RNGTT: variants seen among roughly 807,000 people sequenced by gnomAD.
RNGTT encodes the protein mRNA-capping enzyme.
A neutral mutation model predicts 79.3 loss-of-function variants in RNGTT; 33 were observed. The ratio of observed to expected loss-of-function variants is 0.42; its 90% CI spans 0.32 to 0.56. The LOEUF is 0.56. RNGTT is among the 20% of genes least tolerant of loss of function. The pLI is 0.17. For synonymous variants in RNGTT, 222 were observed against 235.9 expected (o/e 0.94, Z 0.54); for missense variants, 497 against 739.1 (o/e 0.67, Z 3.80).
intron 13 of RNGTT, among the ~76,000 whole-genome samples, chr6:88,681,255 G>C (rs1775082534): frequency 1.3e-5 from 2 of 152,252 alleles, no homozygotes; most frequent in South Asian, 2.1e-4. Context: ...ATTTCAGGAA[G>C]TTTGCCAATA....
chr6:88,712,465 C>T (rs752176437), intron 13 of RNGTT, among the ~76,000 whole-genome samples: 1 of 152,130 alleles, frequency 6.6e-6, no homozygotes, highest in Non-Finnish European at 1.5e-5. Context: ...ATCACCATGT[C>T]CAGCTAATTT....
chr6:88,961,982 A>T (rs1287995293), intron 1 of RNGTT, among the ~76,000 whole-genome samples: 2 of 152,244 alleles, frequency 1.3e-5, no homozygotes, highest in African/African-American at 4.8e-5. Context: ...AAAAAGGAAT[A>T]AACTATTGAT....
chr6:88,694,727 G>A (rs1775601077), intron 13 of RNGTT, among the ~76,000 whole-genome samples: 2 of 152,214 alleles, frequency 1.3e-5, no homozygotes, highest in South Asian at 4.1e-4. Context: ...AAAACAGCAT[G>A]GTACTGCCAT....
At chr6:88,937,566 G>C (rs996313636) in intron 2 of RNGTT, among the ~76,000 whole-genome samples, 1 of 151,252 alleles carries the variant, frequency 6.6e-6, no homozygotes, top group Non-Finnish European at 1.5e-5. Flanking sequence ...GTTCTGCTCT[G>C]ATCTTTATTA....
chr6:88,623,509 C>T (rs1293950475), intron 14 of RNGTT, among the ~76,000 whole-genome samples: 1 of 151,660 alleles, frequency 6.6e-6, no homozygotes. Flanking sequence ...CCCTAATATT[C>T]AATCCATTAC....
At chr6:88,736,374 A>G (rs1777286081) in intron 13 of RNGTT, among the ~76,000 whole-genome samples, 1 of 152,162 alleles carries the variant, frequency 6.6e-6, no homozygotes, top group Non-Finnish European at 1.5e-5. Flanking sequence ...AAGCAAAACT[A>G]CAGATGAGTG....
intron 14 of RNGTT, among the ~76,000 whole-genome samples, chr6:88,655,114 A>G (rs1238085669): frequency 6.6e-6 from 1 of 152,194 alleles, no homozygotes; most frequent in African/African-American, 2.4e-5. Context: ...GATATTTTCT[A>G]AAAGATCATC....
intron 4 of RNGTT, among the ~76,000 whole-genome samples, chr6:88,913,669 T>G (rs1051747894): frequency 6.6e-6 from 1 of 152,184 alleles, no homozygotes; most frequent in African/African-American, 2.4e-5. Context: ...TCCTGCATGA[T>G]AATAATCCTA....
At chr6:88,800,010 ATGTCCTCCTCCC>A (rs1205935392) in intron 12 of RNGTT, among the ~76,000 whole-genome samples, 1 of 152,060 alleles carries the variant, frequency 6.6e-6, no homozygotes, top group Non-Finnish European at 1.5e-5. Flanking sequence ...GTGCTCCTCC[ATGTCCTCCTCCC>A]TCTCCTCCTC....
At chr6:88,665,134 T>C (rs890189685) in intron 14 of RNGTT, among the ~76,000 whole-genome samples, 4 of 151,858 alleles carry the variant, frequency 2.6e-5, no homozygotes, top group South Asian at 2.1e-4. Flanking sequence ...GGAGTTATCA[T>C]GGCCCTGACA....
At chr6:88,932,013 ACTGC>A (rs1226498129) in intron 2 of RNGTT, among the ~76,000 whole-genome samples, 1 of 152,150 alleles carries the variant, frequency 6.6e-6, no homozygotes, top group Non-Finnish European at 1.5e-5. Flanking sequence ...ATTGGGTCTA[ACTGC>A]CTGGGAGCCA....
chr6:88,908,206 A>C (rs1181105128), intron 4 of RNGTT, among the ~76,000 whole-genome samples: 1 of 152,232 alleles, frequency 6.6e-6, no homozygotes, highest in East Asian at 1.9e-4. Context: ...AGTTTCTTAG[A>C]TAAAACACAA....
intron 1 of RNGTT, among the ~76,000 whole-genome samples, chr6:88,952,513 G>A (rs1475397624): frequency 6.6e-6 from 1 of 152,190 alleles, no homozygotes. Context: ...ACTAACTCAG[G>A]CCATTACAGC....
chr6:88,657,954 G>C (rs1774041061), intron 14 of RNGTT, among the ~76,000 whole-genome samples: 1 of 152,136 alleles, frequency 6.6e-6, no homozygotes, highest in African/African-American at 2.4e-5. Flanking sequence ...TGCCCCATCT[G>C]ATGGTTTTTC....
chr6:88,894,035 C>T (rs1783142184), intron 6 of RNGTT, among the ~76,000 whole-genome samples: 1 of 152,120 alleles, frequency 6.6e-6, no homozygotes. Context: ...GAGCTGAAAG[C>T]AACCTGAAAA....
intron 12 of RNGTT, among the ~76,000 whole-genome samples, chr6:88,777,036 T>C (rs1778912336): frequency 6.6e-6 from 1 of 152,196 alleles, no homozygotes; most frequent in South Asian, 2.1e-4. Context: ...GTGTATGGTA[T>C]AAGGGTCCAA....
chr6:88,915,096 T>C (rs1244499472), intron 4 of RNGTT, among the ~76,000 whole-genome samples: 2 of 152,146 alleles, frequency 1.3e-5, no homozygotes, highest in Non-Finnish European at 2.9e-5. Context: ...AGAATGGTTA[T>C]TACTAAAAAG....
At chr6:88,963,206 G>A in intron 1 of RNGTT, 140 bp downstream of exon 1, 2 of 774,598 alleles carry the variant, frequency 2.6e-6, no homozygotes, top group Non-Finnish European at 4.1e-6. Flanking sequence ...ATTCATCCAC[G>A]AAGCGTAATC....
At chr6:88,851,765 G>A (rs550927428) in intron 9 of RNGTT, among the ~76,000 whole-genome samples, 23 of 151,880 alleles carry the variant, frequency 1.5e-4, no homozygotes, top group African/African-American at 5.6e-4. Context: ...AGAAGAAACA[G>A]GAAACTACAG....
Sources: gnomAD v4.1 joint callset for allele counts (sites outside exome capture counted in the v4.1 genomes callset) on GRCh38, gnomAD v4.1.1 for gene constraint, MANE v1.5 for transcripts, NCBI Gene and HGNC (gene_info 2026-07-23, HGNC 2026-07-21) for gene names.